The following NLRP13 variants were observed in gnomAD, a reference collection of about 807,000 sequenced individuals.
NLRP13 encodes the protein NLR family pyrin domain containing 13, also known as NACHT, LRR and PYD domains-containing protein 13.
In NLRP13, 82 loss-of-function variants were observed where a neutral mutation model predicts 94.4. That is an observed-to-expected ratio of 0.87 (90% CI 0.73 to 1.04). The LOEUF is 1.04. Among genes scored for constraint, NLRP13 ranks in the 50% least tolerant of loss-of-function variants. NLRP13 has a pLI of 0.00. For missense variants in NLRP13, 1,426 were observed against 1,230.8 expected (o/e 1.16, Z -2.37); for synonymous variants, 553 against 464.7 (o/e 1.19, Z -2.45).
chr19:55,926,375 T>G (rs991487231), intron 1 of NLRP13, among the ~76,000 whole-genome samples: 1 of 152,228 alleles, frequency 6.6e-6, no homozygotes, highest in South Asian at 2.1e-4. Context: ...TCCCTCATGC[T>G]TAGGGAACTT....
chr19:55,913,317 A>C, intron 4 of NLRP13, 24 bp from the exon 5 acceptor site: 1 of 1,593,374 alleles, frequency 6.3e-7, no homozygotes, highest in South Asian at 1.1e-5. Flanking sequence ...AGTGGGGAGA[A>C]GAATGGTAAG....
In NLRP13 at chr19:55,912,258, T is replaced by C. The variant is rs757615931; in HGVS notation, c.1559A>G (p.Asn520Ser). Residue 520 changes from asparagine (N) to serine (S), a missense_variant, in exon 5 of 11, where the codon AAT becomes AGT. Transcript: ENST00000342929. Reference protein sequence around the residue: ...VPFIDSLYEFNILQKINDCGG... With the variant: ...VPFIDSLYEFSILQKINDCGG... ...ACAGTCATTGATCTTTTGAAGAATATTGAACTCGTAGAGAGAATCAATGAA... is the reference window on the plus strand; with the variant it reads ...ACAGTCATTGATCTTTTGAAGAATACTGAACTCGTAGAGAGAATCAATGAA... 1.9e-6 allele frequency: 3 copies of C among 1,614,108 alleles called. No individual in the cohort carries two copies. Among genetic ancestry groups the C allele is most frequent in the South Asian group, 2.2e-5 (2 of 91,078 alleles).
intron 9 of NLRP13, 148 bp from the exon 10 acceptor site, chr19:55,899,085 A>C (rs1269026296): frequency 1.3e-6 from 1 of 763,614 alleles, no homozygotes; most frequent in African/African-American, 1.8e-5. Flanking sequence ...GGTGCGAGTC[A>C]GGAGGGCCGA....
At chr19:55,928,080 C>A (rs1987014305) in intron 1 of NLRP13, among the ~76,000 whole-genome samples, 1 of 152,192 alleles carries the variant, frequency 6.6e-6, no homozygotes, top group Admixed American at 6.5e-5. Context: ...TCGTCCCCTG[C>A]ATGGCTGGTG....
At chr19:55,895,828 G>A (rs1399059957), downstream of NLRP13, 18 of 1,136,576 alleles carry the variant, frequency 1.6e-5, no homozygotes, top group East Asian at 4.7e-5. Flanking sequence ...TGGAAGTTCC[G>A]TTGGCCTGCA....
downstream of NLRP13, among the ~76,000 whole-genome samples, chr19:55,892,843 A>T (rs538065699): frequency 6.6e-6 from 1 of 152,174 alleles, no homozygotes; most frequent in Non-Finnish European, 1.5e-5. Flanking sequence ...AGCTGCGTCC[A>T]TGTTGCCACA....
At chr19:55,909,109 T>C (rs188124451) in intron 6 of NLRP13, among the ~76,000 whole-genome samples, 1 of 152,244 alleles carries the variant, frequency 6.6e-6, no homozygotes, top group East Asian at 1.9e-4. Flanking sequence ...CAAGGTAGAA[T>C]TCATTGGCCT....
rs781432326 is a variant in NLRP13, at chr19:55,912,992, G to A, written c.825C>T (p.Tyr275=). ...VFYLSCHKIR[Y]MKETTFAELI... Reference sequence around the variant, plus strand: ...ATTCAGCAAAGGTAGTTTCCTTCATGTACCTTATTTTATGGCAGCTGAGAT... The same window carrying A: ...ATTCAGCAAAGGTAGTTTCCTTCATATACCTTATTTTATGGCAGCTGAGAT... The change falls in exon 5 of 11, where the codon TAC becomes TAT. Residue 275 remains tyrosine (Y), a synonymous_variant. Transcript: ENST00000342929. 7 of 1,614,028 alleles carry A rather than the reference G, an allele frequency of 4.3e-6. No homozygotes were observed. Among genetic ancestry groups the A allele is most frequent in the African/African-American group, 1.3e-5 (1 of 74,892 alleles).
Position 55,898,934 on chromosome 19 carries a change from C to A in NLRP13, c.2793G>T (p.Leu931Phe). ...RPDGNLQSLN[L>F]SGCSFTREGC... ...CCTCTCTTGTGAAAGAACAACCTGA[C>A]AAACTGCAAAATAAAAACATACAAA... The change falls in exon 10 of 11, where the codon TTG becomes TTT. Residue 931 changes from leucine to phenylalanine, a missense_variant. By Grantham distance (22) the Leu-to-Phe change is conservative. Transcript: ENST00000342929. 6.2e-7 allele frequency: 1 copy of A among 1,606,500 alleles called. No individual in the cohort carries two copies. Among genetic ancestry groups the A allele is most frequent in the Admixed American group, 1.7e-5 (1 of 57,714 alleles).
intron 8 of NLRP13, among the ~76,000 whole-genome samples, chr19:55,903,766 T>A (rs1986256907): frequency 6.6e-6 from 1 of 152,028 alleles, no homozygotes; most frequent in African/African-American, 2.4e-5. Context: ...GCAAACCCCA[T>A]TGGCTCTACC....
intron 9 of NLRP13, among the ~76,000 whole-genome samples, chr19:55,900,076 T>A (rs899080513): frequency 6.6e-5 from 10 of 152,156 alleles, no homozygotes; most frequent in Non-Finnish European, 1.0e-4. Context: ...TTGTTAAGTA[T>A]TTGAGGTGAT....
intron 4 of NLRP13, among the ~76,000 whole-genome samples, chr19:55,918,998 C>A (rs1986744152): frequency 6.6e-6 from 1 of 152,004 alleles, no homozygotes; most frequent in Admixed American, 6.6e-5. Flanking sequence ...ACTGATCCAA[C>A]AACACATAAA....
chr19:55,901,881 C>A (rs936155759), intron 9 of NLRP13, among the ~76,000 whole-genome samples, 154 bp downstream of exon 9: 1 of 152,140 alleles, frequency 6.6e-6, no homozygotes, highest in African/African-American at 2.4e-5. Context: ...CTCCCACTTT[C>A]CCCATCCCAC....
At position 55,912,160 on chromosome 19, in the gene NLRP13, G is replaced by A. The variant is rs1228067403; in HGVS notation, c.1657C>T (p.Pro553Ser). 1 of 1,614,152 alleles carries A rather than the reference G, an allele frequency of 6.2e-7. No homozygotes were observed. Among genetic ancestry groups the A allele is most frequent in the South Asian group, 1.1e-5 (1 of 91,078 alleles). Residue 553 changes from proline to serine, a missense_variant, in exon 5 of 11, where the codon CCT (proline) becomes TCT (serine). By Grantham distance (74) the Pro-to-Ser change is moderately conservative (BLOSUM62 -1). Transcript: ENST00000342929. ...GTGGAATGGGGAGGGAATTCTCTAG[G>A]TTCCTCTAGCACAAAGGACATGGCT... is the stretch of plus-strand genomic sequence containing the variant. ...FAAMSFVLEEPREFPPHSTKP... is the reference protein window; with the variant it reads ...FAAMSFVLEESREFPPHSTKP...
At chr19:55,898,690 C>T in intron 10 of NLRP13, 80 bp downstream of exon 10, 3 of 1,398,520 alleles carry the variant, frequency 2.1e-6, no homozygotes, top group Non-Finnish European at 2.9e-6. Flanking sequence ...ACTTTCTAAC[C>T]CCCGATGGGA....
Position 55,912,211 on chromosome 19 carries a change from G to A in NLRP13, c.1606C>T (p.His536Tyr), listed in dbSNP as rs1406432724. The stretch of plus-strand genomic sequence containing the variant: ...GCAAAAAACTCCTGGAAACTTAGGT[G>A]GGTGAAAGTAGTGCAACCCCCACAG... ...NDCGGCTTFT[H>Y]LSFQEFFAAM... Residue 536 changes from histidine to tyrosine, a missense_variant, in exon 5 of 11, where the codon CAC (histidine) becomes TAC (tyrosine). By Grantham distance (83) the His-to-Tyr change is moderately conservative (BLOSUM62 2). Transcript: ENST00000342929. 6.2e-7 allele frequency: 1 copy of A among 1,614,140 alleles called. No homozygotes were observed. Among genetic ancestry groups the A allele is most frequent in the East Asian group, 2.2e-5 (1 of 44,884 alleles).
chr19:55,931,067 G>A (rs1455036647), intron 1 of NLRP13, among the ~76,000 whole-genome samples: 1 of 101,430 alleles, frequency 9.9e-6, no homozygotes, highest in Non-Finnish European at 2.1e-5. Context: ...ACTTTACCCT[G>A]AGTAAAACAT....
chr19:55,910,875 T>G, intron 5 of NLRP13, 142 bp from the exon 6 acceptor site: 2 of 646,658 alleles, frequency 3.1e-6, no homozygotes, highest in South Asian at 5.2e-5. Flanking sequence ...GGCTCACGCC[T>G]GTAATCCCAC....
In NLRP13 at chr19:55,913,255, G is replaced by C. The variant is rs147979282; in HGVS notation, c.562C>G (p.Leu188Val). ...RKYRENMKAE[L>V]LETWDNISWP... ...CTGATGTTGTCCCATGTCTCCAGTA[G>C]TTCAGCCTTCATGTTCTCTCTGTAT... Residue 188 changes from leucine (L) to valine (V), a missense_variant, in exon 5 of 11, where the codon CTA (leucine) becomes GTA (valine). By Grantham distance (32) the Leu-to-Val change is conservative. Coordinates refer to ENST00000342929, the MANE Select transcript of NLRP13 (RefSeq NM_176810.2). The C allele has an allele frequency of 6.2e-7, 1 of 1,614,114 alleles. No individual in the cohort carries two copies. Among genetic ancestry groups the C allele is most frequent in the East Asian group, 2.2e-5 (1 of 44,884 alleles).
Sources: gnomAD v4.1 joint callset for allele counts (sites outside exome capture counted in the v4.1 genomes callset) on GRCh38, gnomAD v4.1.1 for gene constraint, MANE v1.5 for transcripts, NCBI Gene and HGNC (gene_info 2026-07-23, HGNC 2026-07-21) for gene names.